Variants in SRPRB observed in about 807,000 individuals in gnomAD.
SRPRB encodes the protein signal recognition particle receptor subunit beta.
Under a neutral mutation model 31.9 loss-of-function variants are expected in SRPRB, and 20 were observed. The observed-to-expected ratio is 0.63, with a 90% CI of 0.44 to 0.91. SRPRB has a LOEUF of 0.91. Among genes scored for constraint, SRPRB ranks in the 40% least tolerant of loss-of-function variants. The pLI is 0.00. For synonymous variants in SRPRB, 146 were observed against 132.8 expected (o/e 1.10, Z -0.68); for missense variants, 321 against 324.9 (o/e 0.99, Z 0.09).
intron 1 of SRPRB, chr3:133,794,544 C>T (rs1199654423): frequency 6.6e-6 from 1 of 152,202 alleles, no homozygotes; most frequent in Non-Finnish European, 1.5e-5. Flanking sequence ...GGACAATCAA[C>T]TCCTTCACAA....
chr3:133,816,831 A>G, intron 5 of SRPRB, 47 bp from the exon 6 acceptor site: 1 of 1,506,820 alleles, frequency 6.6e-7, no homozygotes, highest in Non-Finnish European at 9.0e-7. Context: ...CTTGGGGAAA[A>G]AACTCATTCT....
At chr3:133,806,233 G>C (rs1459199767) in intron 1 of SRPRB, among the ~76,000 whole-genome samples, 4 of 152,226 alleles carry the variant, frequency 2.6e-5, no homozygotes, top group African/African-American at 9.6e-5. Flanking sequence ...TTGGGGCGCA[G>C]ATTGCTCTTC....
At chr3:133,805,232 G>A (rs144027078), upstream of SRPRB, among the ~76,000 whole-genome samples, 39 of 152,250 alleles carry the variant, frequency 2.6e-4, 1 homozygote, top group Non-Finnish European at 4.4e-4. Flanking sequence ...CAGTGTAGGG[G>A]CACTGAATTA....
At chr3:133,787,419 C>A (rs1025756943) in intron 1 of SRPRB, 2 of 152,060 alleles carry the variant, frequency 1.3e-5, no homozygotes, top group Non-Finnish European at 2.9e-5. Flanking sequence ...AAGATACCTC[C>A]GATTATAGCC....
chr3:133,812,258 T>C (rs1399211900), intron 4 of SRPRB, among the ~76,000 whole-genome samples: 1 of 152,238 alleles, frequency 6.6e-6, no homozygotes, highest in Non-Finnish European at 1.5e-5. Context: ...ATTGAAGATG[T>C]CTAGACTGAA....
chr3:133,805,870 C>G lies in SRPRB; in HGVS notation c.22C>G (p.Arg8Gly). The G allele has an allele frequency of 6.2e-7, 1 of 1,612,028 alleles. No individual in the cohort carries two copies. Among genetic ancestry groups the G allele is most frequent in the East Asian group, 2.2e-5 (1 of 44,834 alleles). The change falls in exon 1 of 7, where the codon CGG (arginine) becomes GGG (glycine). Residue 8 changes from arginine to glycine, a missense_variant. Transcript: ENST00000678299. ...ATCCATGGCTTCCGCGGACTCGCGCCGGGTGGCAGATGGCGGCGGTGCCGG... is the reference window on the plus strand; with the variant it reads ...ATCCATGGCTTCCGCGGACTCGCGCGGGGTGGCAGATGGCGGCGGTGCCGG... MASADSRRVADGGGAGGT... is the reference protein window; with the variant it reads MASADSRGVADGGGAGGT...
At position 133,816,860 on chromosome 3, in the gene SRPRB, G is replaced by A. The variant is rs1553744166; in HGVS notation, c.548-18G>A. 3 of 1,598,980 alleles carry A rather than the reference G, an allele frequency of 1.9e-6. No homozygotes were observed. The highest frequency in any genetic ancestry group is 4.5e-5 in the East Asian group (2 of 44,350). Reference sequence around the variant, plus strand: ...TCATTCTCGTTTAAACTACAACAGTGTCTTTATTTCTTTACAGATATTGCA... The same window carrying A: ...TCATTCTCGTTTAAACTACAACAGTATCTTTATTTCTTTACAGATATTGCA... On this transcript the variant is annotated intron_variant, in intron 5 of 6. Coordinates refer to ENST00000678299, the MANE Select transcript of SRPRB (RefSeq NM_001379313.1).
chr3:133,817,032 C>T (rs2107975199), intron 6 of SRPRB, 100 bp downstream of exon 6: 3 of 842,230 alleles, frequency 3.6e-6, no homozygotes, highest in Middle Eastern at 2.6e-4. Context: ...GTGATTATCA[C>T]AATTATAGAC....
At chr3:133,812,569 A>G (rs1241020776) in intron 4 of SRPRB, among the ~76,000 whole-genome samples, 2 of 152,224 alleles carry the variant, frequency 1.3e-5, no homozygotes, top group Non-Finnish European at 2.9e-5. Context: ...GACATTTACT[A>G]TATTGGTATG....
At chr3:133,802,082 G>T (rs1003319201), upstream of SRPRB, among the ~76,000 whole-genome samples, 2 of 152,142 alleles carry the variant, frequency 1.3e-5, no homozygotes, top group African/African-American at 4.8e-5. Context: ...TGTAAAATTA[G>T]AAAATGAGTC....
chr3:133,828,057 CA>C (rs910303321), downstream of SRPRB: 2 of 695,304 alleles, frequency 2.9e-6, no homozygotes, highest in Admixed American at 2.0e-5. Flanking sequence ...CCTGTACCCT[CA>C]ACCCCCTTCA....
chr3:133,794,042 C>T (rs1027813485), intron 1 of SRPRB: 3 of 152,136 alleles, frequency 2.0e-5, no homozygotes, highest in African/African-American at 7.2e-5. Flanking sequence ...TCATTTAAAT[C>T]AAATTACCTA....
At chr3:133,817,740 T>A (rs1935391600) in intron 6 of SRPRB, among the ~76,000 whole-genome samples, 1 of 152,212 alleles carries the variant, frequency 6.6e-6, no homozygotes, top group Admixed American at 6.5e-5. Flanking sequence ...CTCCCCACTA[T>A]GACTTACTGA....
intron 1 of SRPRB, chr3:133,784,513 A>G (rs1311757419): frequency 1.3e-5 from 2 of 150,212 alleles, no homozygotes; most frequent in Non-Finnish European, 3.0e-5. Context: ...ATAATAGGAC[A>G]TAAATGGCTT....
intron 1 of SRPRB, chr3:133,785,247 G>A (rs1315085160): frequency 1.4e-4 from 14 of 100,706 alleles, no homozygotes; most frequent in African/African-American, 5.1e-4. Flanking sequence ...CGCCCCTACT[G>A]GGAAGTGAGG....
chr3:133,828,436 CA>C (rs1427344002), downstream of SRPRB: 3 of 380,266 alleles, frequency 7.9e-6, no homozygotes, highest in Non-Finnish European at 1.4e-5. Context: ...TACAAATATA[CA>C]AAAACAAAAA....
intron 6 of SRPRB, among the ~76,000 whole-genome samples, chr3:133,818,533 G>A (rs78220506): frequency 2.6e-5 from 4 of 151,980 alleles, no homozygotes; most frequent in African/African-American, 9.7e-5. Flanking sequence ...TCAATAACAC[G>A]GTATATTATA....
At chr3:133,827,476 A>T, downstream of SRPRB, 1 of 184,456 alleles carries the variant, frequency 5.4e-6, no homozygotes, top group Non-Finnish European at 1.1e-5. Context: ...GATTCTCAGG[A>T]CTAAGCCATT....
intron 5 of SRPRB, among the ~76,000 whole-genome samples, chr3:133,816,361 T>C (rs1033360692): frequency 1.3e-5 from 2 of 152,202 alleles, no homozygotes; most frequent in Non-Finnish European, 2.9e-5. Context: ...ATTTCCCTGA[T>C]TGAATATAAG....
Sources: gnomAD v4.1 joint callset for allele counts (sites outside exome capture counted in the v4.1 genomes callset) on GRCh38, gnomAD v4.1.1 for gene constraint, MANE v1.5 for transcripts, NCBI Gene and HGNC (gene_info 2026-07-23, HGNC 2026-07-21) for gene names.